DCLRE1A: variants seen among roughly 807,000 people sequenced by gnomAD.
DCLRE1A encodes the protein DNA cross-link repair 1A, also known as DNA cross-link repair 1A protein.
In DCLRE1A, 64 loss-of-function variants were observed where a neutral mutation model predicts 91.9. That is an observed-to-expected ratio of 0.70 (90% CI 0.57 to 0.86). DCLRE1A has a LOEUF of 0.86. DCLRE1A is among the 40% of genes least tolerant of loss of function. The probability of loss-of-function intolerance (pLI) is 0.00; values close to 1 mark genes in which losing one functional copy is unlikely to be tolerated. For missense variants in DCLRE1A, 1,145 were observed against 1,213.3 expected (o/e 0.94, Z 0.84); for synonymous variants, 416 against 431.1 (o/e 0.96, Z 0.43).
At chr10:113,839,071 T>A (rs186067266) in intron 7 of DCLRE1A, among the ~76,000 whole-genome samples, 67 of 152,150 alleles carry the variant, frequency 4.4e-4, no homozygotes, top group East Asian at 2.5e-3. Flanking sequence ...CACGCATGTA[T>A]TCCCAGCACT....
At chr10:113,838,487 CATA>C (rs1218961011) in intron 7 of DCLRE1A, among the ~76,000 whole-genome samples, 2 of 152,158 alleles carry the variant, frequency 1.3e-5, no homozygotes, top group African/African-American at 2.4e-5. Context: ...TAGCTTGTAC[CATA>C]AACAAAAACT....
At chr10:113,848,834 G>A (rs532212427) in intron 2 of DCLRE1A, 146 bp downstream of exon 2, 16 of 768,812 alleles carry the variant, frequency 2.1e-5, no homozygotes, top group Non-Finnish European at 3.1e-5. Flanking sequence ...CCATATCTAC[G>A]TTAGAGGCTC....
rs1845599980 is a variant in DCLRE1A at position 113,849,400 on chromosome 10, T to C, written c.1705A>G (p.Arg569Gly). Residue 569 changes from arginine to glycine, a missense_variant, in exon 2 of 9, where the codon AGA (arginine) becomes GGA (glycine). Arg to Gly is a moderately radical substitution (Grantham distance 125). Transcript: ENST00000361384. ...TCCCCTAGCAATTTCTCTTCCTTTC[T>C]TTTGGGAGGTAGTCCAAAATACACA... ...IGVYFGLPPK[R>G]KEEKLLGESA... 1.2e-6 allele frequency: 2 copies of C among 1,613,816 alleles called. No individual in the cohort carries two copies. The highest frequency in any genetic ancestry group is 1.7e-6 in the Non-Finnish European group (2 of 1,179,924).
rs1845622889 is a variant in DCLRE1A at position 113,850,255 on chromosome 10, T to C, written c.850A>G (p.Ile284Val). 3 of 1,614,176 alleles carry C rather than the reference T, an allele frequency of 1.9e-6. No homozygotes were observed. The highest frequency in any genetic ancestry group is 2.5e-6 in the Non-Finnish European group (3 of 1,179,990). ...TCATTTTCTGGCAATGGCAAATTTA[T>C]GTGTTCTGAGTTGTTTGCAAGACGC... Reference protein sequence around the residue: ...ALRLANNSEHINLPLPENDFS... With the variant: ...ALRLANNSEHVNLPLPENDFS... Residue 284 changes from isoleucine to valine, a missense_variant, in exon 2 of 9, where the codon ATA becomes GTA. By Grantham distance (29) the Ile-to-Val change is conservative. Transcript: ENST00000361384.
intron 2 of DCLRE1A, 80 bp from the exon 3 acceptor site, chr10:113,847,415 T>C: frequency 6.8e-7 from 1 of 1,471,152 alleles, no homozygotes; most frequent in South Asian, 1.4e-5. Flanking sequence ...ATGAACCCTC[T>C]ATCCTCTTTA....
chr10:113,846,656 C>T (rs1845542787), intron 3 of DCLRE1A, among the ~76,000 whole-genome samples: 1 of 152,134 alleles, frequency 6.6e-6, no homozygotes, highest in Non-Finnish European at 1.5e-5. Context: ...ACACCAAAAT[C>T]TCAGGATGCT....
At chr10:113,838,034 TA>T (rs1845390075) in intron 7 of DCLRE1A, among the ~76,000 whole-genome samples, 1 of 152,144 alleles carries the variant, frequency 6.6e-6, no homozygotes, top group Admixed American at 6.5e-5. Context: ...AACAATCCTT[TA>T]ATCTTTTGTA....
Position 113,852,927 on chromosome 10 carries a change from C to A in DCLRE1A, c.256G>T (p.Asp86Tyr), listed in dbSNP as rs1845681793. The change falls in exon 1 of 9, where the codon GAT (aspartate) becomes TAT (tyrosine). Residue 86 changes from aspartate to tyrosine, a missense_variant. Coordinates refer to ENST00000361384, the MANE Select transcript of DCLRE1A (RefSeq NM_014881.5). ...VASSQNSSCG[D>Y]GIQQTQDKET... Reference sequence around the variant, plus strand: ...TTGTCTTGGGTCTGCTGAATACCATCTCCACAACTTGAATTCTGACTAGAA... The same window carrying A: ...TTGTCTTGGGTCTGCTGAATACCATATCCACAACTTGAATTCTGACTAGAA... The A allele has an allele frequency of 6.2e-6, 10 of 1,614,032 alleles. No homozygotes were observed. The highest frequency in any genetic ancestry group is 8.5e-6 in the Non-Finnish European group (10 of 1,180,024).
At chr10:113,839,327 A>G (rs1845411342) in intron 7 of DCLRE1A, among the ~76,000 whole-genome samples, 2 of 145,674 alleles carry the variant, frequency 1.4e-5, no homozygotes, top group South Asian at 4.3e-4. Flanking sequence ...CCTGTCTCAA[A>G]AAAAAAAAAA....
At position 113,850,476 on chromosome 10, in the gene DCLRE1A, T is replaced by G; in HGVS notation, c.629A>C (p.Glu210Ala). Residue 210 changes from glutamate (E) to alanine (A), a missense_variant, in exon 2 of 9, where the codon GAG becomes GCG. Glu to Ala is a moderately radical substitution (Grantham distance 107). Transcript: ENST00000361384. Reference sequence around the variant, plus strand: ...GTTCTGATACGAAGACCATCTTTCCTCAAGGCTACAAAGGACGCCTGACTT... The same window carrying G: ...GTTCTGATACGAAGACCATCTTTCCGCAAGGCTACAAAGGACGCCTGACTT... ...ETKSGVLCSL[E>A]ERWSSYQNQT... The G allele has an allele frequency of 6.2e-7, 1 of 1,614,160 alleles. No individual in the cohort carries two copies. Among genetic ancestry groups the G allele is most frequent in the African/African-American group, 1.3e-5 (1 of 75,044 alleles).
chr10:113,848,900 C>T, intron 2 of DCLRE1A, 80 bp downstream of exon 2: 1 of 1,343,802 alleles, frequency 7.4e-7, no homozygotes, highest in Admixed American at 2.0e-5. Flanking sequence ...CATACACACA[C>T]ACACACACAA....
At chr10:113,844,722 G>A (rs1845503240) in intron 4 of DCLRE1A, among the ~76,000 whole-genome samples, 1 of 152,106 alleles carries the variant, frequency 6.6e-6, no homozygotes, top group African/African-American at 2.4e-5. Flanking sequence ...TATCACCTGA[G>A]GTCAGGAGTT....
intron 6 of DCLRE1A, 97 bp downstream of exon 6, chr10:113,842,246 A>G: frequency 2.8e-6 from 3 of 1,055,156 alleles, no homozygotes; most frequent in Non-Finnish European, 3.9e-6. Flanking sequence ...ACAGGAAATA[A>G]TTATCAAATG....
rs1180079484 is a variant in DCLRE1A, at chr10:113,845,738, C to T, written c.2325G>A (p.Leu775=). ...VQEQYIHPLP[L]DTECIVNGVK... ...CACCATTCACAATACATTCAGTGTCCAGTGGCAATGGGTGAATATATTGTT... is the reference window on the plus strand; with the variant it reads ...CACCATTCACAATACATTCAGTGTCTAGTGGCAATGGGTGAATATATTGTT... Residue 775 remains leucine, a synonymous_variant, in exon 4 of 9, where the codon CTG becomes CTA. Coordinates refer to ENST00000361384, the MANE Select transcript of DCLRE1A (RefSeq NM_014881.5). The T allele has an allele frequency of 3.1e-6, 5 of 1,614,012 alleles. No individual in the cohort carries two copies. Among genetic ancestry groups the T allele is most frequent in the Non-Finnish European group, 3.4e-6 (4 of 1,180,020 alleles).
chr10:113,847,304 A>G lies in DCLRE1A; in HGVS notation c.2157T>C (p.Tyr719=). The change falls in exon 3 of 9, where the codon TAT becomes TAC. Residue 719 remains tyrosine (Y), a synonymous_variant. Coordinates refer to ENST00000361384, the MANE Select transcript of DCLRE1A (RefSeq NM_014881.5). ...AGGCTGTGCAACCTTCAACCACGCC[A>G]TACTGAAAGGCATCAACTGTAAAGC... is the stretch of plus-strand genomic sequence containing the variant. The part of the protein sequence containing the change: ...GTGFTVDAFQ[Y]GVVEGCTAYF... The G allele has an allele frequency of 3.7e-6, 6 of 1,614,064 alleles. No homozygotes were observed. The highest frequency in any genetic ancestry group is 5.1e-6 in the Non-Finnish European group (6 of 1,179,938).
rs1306915004 is a variant in DCLRE1A, at chr10:113,835,287, G to A, written c.2988C>T (p.Ser996=). The change falls in exon 9 of 9, where the codon AGC becomes AGT. Residue 996 remains serine (S), a synonymous_variant. Coordinates refer to ENST00000361384, the MANE Select transcript of DCLRE1A (RefSeq NM_014881.5). ...GGACAAAGCGCTTCATTTCTAGGTA[G>A]CTGCTGTGTTCACTGTAAGGAATTC... ...IYGIPYSEHS[S]YLEMKRFVQW... 1.2e-6 allele frequency: 2 copies of A among 1,610,938 alleles called. No homozygotes were observed. The highest frequency in any genetic ancestry group is 2.7e-5 in the African/African-American group (2 of 74,712).
chr10:113,838,353 C>A (rs1359322312), intron 7 of DCLRE1A, among the ~76,000 whole-genome samples: 6 of 152,184 alleles, frequency 3.9e-5, no homozygotes, highest in Admixed American at 2.0e-4. Context: ...CTGAGTCCAA[C>A]TTTCAATACA....
chr10:113,854,307 C>T (rs1356304626), upstream of DCLRE1A: 2 of 152,234 alleles, frequency 1.3e-5, no homozygotes, highest in Non-Finnish European at 2.9e-5. Flanking sequence ...CCAGTCACTT[C>T]CAGTTTACAA....
chr10:113,849,067 G>GC lies in DCLRE1A; in HGVS notation c.2037dup (p.Leu680AlafsTer13), dbSNP rs771007290. The GC allele has an allele frequency of 4.7e-5, 76 of 1,613,950 alleles. No individual in the cohort carries two copies. The highest frequency in any genetic ancestry group is 6.3e-5 in the Non-Finnish European group (74 of 1,180,014). ...GGGATTTTCTTGTTGCCCCTTTGCA[G>GC]CCCACCATGAGCTGATTTTGTGAAG... On this transcript the variant is annotated frameshift_variant, in exon 2 of 9. Transcript: ENST00000361384. LOFTEE classifies it high-confidence loss of function.
Sources: allele counts gnomAD v4.1 joint callset (sites outside exome capture counted in the v4.1 genomes callset), GRCh38; gene constraint gnomAD v4.1.1; transcripts MANE v1.5; gene names NCBI Gene and HGNC (gene_info 2026-07-23, HGNC 2026-07-21).